The following THSD4 variants were observed in gnomAD, a reference collection of about 807,000 sequenced individuals.
The protein encoded by THSD4 is thrombospondin type-1 domain-containing protein 4.
Under a neutral mutation model 119.0 loss-of-function variants are expected in THSD4, and 69 were observed. That is an observed-to-expected ratio of 0.58 (90% CI 0.48 to 0.71). THSD4 has a LOEUF of 0.71. Ranked by LOEUF, THSD4 falls within the 30% of genes least tolerant of loss-of-function variation. The probability of loss-of-function intolerance (pLI) is 0.00; values close to 1 mark genes in which losing one functional copy is unlikely to be tolerated. For synonymous variants in THSD4, 524 were observed against 540.4 expected, an observed-to-expected ratio of 0.97 and a Z score of 0.42; for missense variants, 1,393 against 1,391.1, an observed-to-expected ratio of 1.00 and a Z score of -0.02.
chr15:71,235,500 C>A lies in THSD4; in HGVS notation c.465-7149C>A, dbSNP rs550316031. Among the ~76,000 whole-genome samples the A allele has an allele frequency of 8.5e-4, 129 of 152,038 alleles. 5 individuals carry two copies. The South Asian group carries it at 0.026, about 30-fold the overall frequency. ...AGGCTTTCATCTCATGAGCTTCCTT[C>A]TCATCTTCCCTATGGAAGAATTTAT... On this transcript the variant is annotated intron_variant, in intron 4 of 17. Coordinates refer to ENST00000261862, the MANE Select transcript of THSD4 (RefSeq NM_024817.3).
chr15:71,659,684 C>G (rs2051262322), intron 7 of THSD4, among the ~76,000 whole-genome samples: 1 of 152,150 alleles, frequency 6.6e-6, no homozygotes, highest in South Asian at 2.1e-4. Context: ...AGTGCTGAGA[C>G]TACAGACATG....
intron 7 of THSD4, among the ~76,000 whole-genome samples, chr15:71,649,047 A>C (rs958839852): frequency 6.6e-6 from 1 of 152,220 alleles, no homozygotes; most frequent in Non-Finnish European, 1.5e-5. Context: ...CGTTTTGAAC[A>C]TATGGAACGT....
chr15:71,763,753 TA>T (rs546504467), intron 15 of THSD4, among the ~76,000 whole-genome samples: 67 of 151,612 alleles, frequency 4.4e-4, no homozygotes, highest in African/African-American at 1.6e-3. Context: ...CCCCCGTCTC[TA>T]AAAAAAATTG....
chr15:71,618,415 C>A (rs1226994685), intron 7 of THSD4, among the ~76,000 whole-genome samples: 1 of 152,156 alleles, frequency 6.6e-6, no homozygotes, highest in African/African-American at 2.4e-5. Flanking sequence ...TCAAAAACAA[C>A]AGAGCGCAGA....
At chr15:71,758,472 C>G (rs1023568038) in intron 15 of THSD4, among the ~76,000 whole-genome samples, 1 of 152,140 alleles carries the variant, frequency 6.6e-6, no homozygotes, top group Non-Finnish European at 1.5e-5. Flanking sequence ...GTGGCTGCTG[C>G]TATTATTCCT....
intron 7 of THSD4, among the ~76,000 whole-genome samples, chr15:71,530,462 A>C (rs7165465): frequency 0.28 from 42,669 of 152,102 alleles, 6,763 homozygotes; most frequent in East Asian, 0.63. Context: ...TTCTTCATTG[A>C]GGAGGCCAAG....
chr15:71,107,375 A>G (rs2040278449), intron 1 of THSD4, among the ~76,000 whole-genome samples: 1 of 152,130 alleles, frequency 6.6e-6, no homozygotes, highest in Non-Finnish European at 1.5e-5. Context: ...AGAGAGAAGG[A>G]AGGAAGGAGA....
chr15:71,465,858 G>A (rs2047491668), intron 7 of THSD4, among the ~76,000 whole-genome samples: 1 of 152,156 alleles, frequency 6.6e-6, no homozygotes, highest in African/African-American at 2.4e-5. Flanking sequence ...CCTATTCAGG[G>A]CATTTATTGG....
chr15:71,700,769 T>G (rs2052270501), intron 8 of THSD4, among the ~76,000 whole-genome samples: 1 of 152,088 alleles, frequency 6.6e-6, no homozygotes, highest in African/African-American at 2.4e-5. Context: ...TTGTAGTATA[T>G]GATAAAAGCA....
At position 71,155,322 on chromosome 15, in the gene THSD4, A is replaced by G. The variant is rs571617981; in HGVS notation, c.99+390A>G. 4.1e-4 allele frequency among the ~76,000 whole-genome samples: 63 copies of G among 152,294 alleles called. 1 individual carries two copies. Among genetic ancestry groups the G allele is most frequent in the Non-Finnish European group, 5.0e-4 (34 of 68,020 alleles). The stretch of plus-strand genomic sequence containing the variant: ...ATACACTTTTAAACAACCAGATCTC[A>G]TGAGAACTCTTTATTGCCATGACTG... On this transcript the variant is annotated intron_variant, in intron 3 of 17. Coordinates refer to ENST00000261862, the MANE Select transcript of THSD4 (RefSeq NM_024817.3).
chr15:71,505,751 G>A (rs57264169), intron 7 of THSD4, among the ~76,000 whole-genome samples: 4 of 152,154 alleles, frequency 2.6e-5, no homozygotes, highest in South Asian at 4.1e-4. Context: ...TCTTGCAACA[G>A]GAAAGTCCTG....
intron 7 of THSD4, among the ~76,000 whole-genome samples, chr15:71,568,034 C>G (rs2049275724): frequency 1.3e-5 from 2 of 152,058 alleles, no homozygotes; most frequent in Non-Finnish European, 2.9e-5. Context: ...TTGAAAGTCC[C>G]CTTAAGTTCC....
At chr15:71,156,942 A>AC (rs946334337) in intron 3 of THSD4, among the ~76,000 whole-genome samples, 11 of 151,918 alleles carry the variant, frequency 7.2e-5, no homozygotes, top group Non-Finnish European at 1.2e-4. Context: ...GGAAATTGGC[A>AC]CCCCCCTCCC....
chr15:71,482,391 C>T (rs936967197), intron 7 of THSD4, among the ~76,000 whole-genome samples: 6 of 149,470 alleles, frequency 4.0e-5, no homozygotes, highest in South Asian at 2.1e-4. Flanking sequence ...CCTGGGTTCA[C>T]GCCATTCTCC....
intron 3 of THSD4, among the ~76,000 whole-genome samples, chr15:71,203,310 A>G (rs1280862239): frequency 6.6e-6 from 1 of 152,170 alleles, no homozygotes; most frequent in Admixed American, 6.5e-5. Flanking sequence ...GTGAGGACCC[A>G]GGAGACATTG....
rs187362200 is a variant in THSD4, at chr15:71,557,082, T to C, written c.1153-103448T>C. On this transcript the variant is annotated intron_variant, in intron 7 of 17. Coordinates refer to ENST00000261862, the MANE Select transcript of THSD4 (RefSeq NM_024817.3). Reference sequence around the variant, plus strand: ...CCTGATTTGCTCAAGAGAACACTTCTGACATTCTGCCATTGAAAATCAAGT... The same window carrying C: ...CCTGATTTGCTCAAGAGAACACTTCCGACATTCTGCCATTGAAAATCAAGT... Among the ~76,000 whole-genome samples, 3 of 152,366 alleles carry C rather than the reference T, an allele frequency of 2.0e-5. No homozygotes were observed. The East Asian group carries it at 5.8e-4, about 29-fold the overall frequency.
intron 7 of THSD4, among the ~76,000 whole-genome samples, chr15:71,588,611 T>C (rs535405420): frequency 6.6e-6 from 1 of 152,026 alleles, no homozygotes; most frequent in South Asian, 2.1e-4. Flanking sequence ...TTTTTTGTAT[T>C]TTTAGTAGAC....
chr15:71,584,391 C>A (rs2049622935), intron 7 of THSD4, among the ~76,000 whole-genome samples: 1 of 150,912 alleles, frequency 6.6e-6, no homozygotes, highest in African/African-American at 2.4e-5. Context: ...GCCTCAGCCT[C>A]CTAAGTAGCT....
intron 7 of THSD4, among the ~76,000 whole-genome samples, chr15:71,471,114 C>T (rs1018202459): frequency 6.6e-6 from 1 of 152,210 alleles, no homozygotes; most frequent in African/African-American, 2.4e-5. Context: ...TCGGTTCCTG[C>T]ACATTCCTGT....
Sources: allele counts gnomAD v4.1 joint callset (sites outside exome capture counted in the v4.1 genomes callset), GRCh38; gene constraint gnomAD v4.1.1; transcripts MANE v1.5; gene names NCBI Gene and HGNC (gene_info 2026-07-23, HGNC 2026-07-21).